The following A2M variants were observed in gnomAD, a reference collection of about 807,000 sequenced individuals.
A2M encodes the protein alpha-2-macroglobulin.
Under a neutral mutation model 183.9 loss-of-function variants are expected in A2M, and 128 were observed. That is an observed-to-expected ratio of 0.70 (90% CI 0.60 to 0.81). The LOEUF (loss-of-function observed/expected upper bound fraction) is 0.81, where lower values mean the gene tolerates loss of function less well. A2M is among the 30% of genes least tolerant of loss of function. A2M has a pLI of 0.00. For synonymous variants in A2M, 592 were observed against 670.8 expected (o/e 0.88, Z 1.81); for missense variants, 1,495 against 1,787.6 (o/e 0.84, Z 2.95).
At chr12:9,101,277 C>A in intron 12 of A2M, 70 bp from the exon 13 acceptor site, 1 of 1,471,738 alleles carries the variant, frequency 6.8e-7, no homozygotes, top group Non-Finnish European at 9.3e-7. Flanking sequence ...CTTCAATATA[C>A]TTGTTTTATT....
chr12:9,079,387 G>T, intron 24 of A2M, 56 bp from the exon 25 acceptor site: 1 of 1,520,038 alleles, frequency 6.6e-7, no homozygotes, highest in Non-Finnish European at 9.1e-7. Context: ...GCTGAGGGTG[G>T]AGAAATTACT....
At chr12:9,102,997 A>G (rs189918922) in intron 11 of A2M, among the ~76,000 whole-genome samples, 94 of 152,322 alleles carry the variant, frequency 6.2e-4, no homozygotes, top group African/African-American at 2.2e-3. Flanking sequence ...ATATCCATGT[A>G]TCTATAGACA....
chr12:9,090,577 A>G (rs1313732537), intron 19 of A2M, 95 bp from the exon 20 acceptor site: 3 of 1,345,584 alleles, frequency 2.2e-6, no homozygotes, highest in African/African-American at 2.9e-5. Context: ...GTTAGATTTC[A>G]GGTTGCCTCA....
chr12:9,068,801 T>G lies in A2M; in HGVS notation c.4305A>C (p.Gln1435His). Residue 1435 changes from glutamine (Q) to histidine (H), a missense_variant, in exon 34 of 36, where the codon CAA (glutamine) becomes CAC (histidine). Gln to His is a conservative substitution (Grantham distance 24). Coordinates refer to ENST00000318602, the MANE Select transcript of A2M (RefSeq NM_000014.6). The part of the protein sequence containing the change: ...QTLSLFFTVL[Q>H]DVPVRDLKPA... ...GTTTCAGATCTCTTACTGGGACATC[T>G]TGCAGAACCGTGAAGAACAAGCTCA... 6.2e-7 allele frequency: 1 copy of G among 1,609,082 alleles called. No individual in the cohort carries two copies. Among genetic ancestry groups the G allele is most frequent in the Non-Finnish European group, 8.5e-7 (1 of 1,177,770 alleles).
chr12:9,099,408 A>G lies in A2M; in HGVS notation c.1674T>C (p.Tyr558=), dbSNP rs1239995824. The G allele has an allele frequency of 4.5e-6, 7 of 1,566,648 alleles. No homozygotes were observed. The highest frequency in any genetic ancestry group is 6.1e-6 in the Non-Finnish European group (7 of 1,155,262). ...TGTTGGCCAGACAATTTTCAACATC[A>G]TATTTTGCAGAATCCCCAATCACGT... ...TGDVIGDSAK[Y]DVENCLANKV... Residue 558 remains tyrosine (Y), a synonymous_variant, in exon 14 of 36, where the codon TAT becomes TAC. Coordinates refer to ENST00000318602, the MANE Select transcript of A2M (RefSeq NM_000014.6).
chr12:9,089,517 G>A (rs1315130296), intron 21 of A2M, among the ~76,000 whole-genome samples: 1 of 152,218 alleles, frequency 6.6e-6, no homozygotes, highest in Non-Finnish European at 1.5e-5. Context: ...GAGGTGGGCA[G>A]ATCACTTGAG....
At chr12:9,107,499 C>G (rs1364970630) in intron 8 of A2M, 25 bp downstream of exon 8, 1 of 1,612,690 alleles carries the variant, frequency 6.2e-7, no homozygotes, top group African/African-American at 1.3e-5. Context: ...TCGCTATTCT[C>G]TAGAAAAAAT....
intron 32 of A2M, 72 bp from the exon 33 acceptor site, chr12:9,069,885 T>C: frequency 7.6e-7 from 1 of 1,319,596 alleles, no homozygotes; most frequent in East Asian, 2.3e-5. Context: ...GAAAAAATCT[T>C]TGTATTGCCA....
Position 9,075,433 on chromosome 12 carries a change from T to A in A2M, c.3533-650A>T, listed in dbSNP as rs78195114. Among the ~76,000 whole-genome samples the A allele has an allele frequency of 8.9e-4, 136 of 152,250 alleles. 1 individual carries two copies. The highest frequency in any genetic ancestry group is 3.0e-3 in the African/African-American group (126 of 41,542). On this transcript the variant is annotated intron_variant, in intron 28 of 35. Transcript: ENST00000318602. ...TGAGTATTCATTGCAGCATTTTTTT[T>A]AATAGCAAAACATAAAAAAAATCCA...
rs756728809 is a variant in A2M at position 9,073,076 on chromosome 12, C to G, written c.3757-205G>C. ...ACATATCTACCTTGGACTGTATGCC[C>G]TACATGTTTATTTTATTTATCAGAA... On this transcript the variant is annotated intron_variant, in intron 29 of 35. Coordinates refer to ENST00000318602, the MANE Select transcript of A2M (RefSeq NM_000014.6). 5.3e-4 allele frequency among the ~76,000 whole-genome samples: 80 copies of G among 152,306 alleles called. No homozygotes were observed. The South Asian group carries it at 6.0e-3, about 11-fold the overall frequency.
At chr12:9,099,354 G>A (rs1480790282) in intron 14 of A2M, 27 bp downstream of exon 14, 3 of 1,545,490 alleles carry the variant, frequency 1.9e-6, no homozygotes, top group Admixed American at 3.9e-5. Context: ...TTTACATGTT[G>A]AAGATTTTAT....
chr12:9,092,932 A>C (rs941629628), intron 18 of A2M, among the ~76,000 whole-genome samples: 1 of 152,250 alleles, frequency 6.6e-6, no homozygotes, highest in African/African-American at 2.4e-5. Flanking sequence ...CTTAAGTGGA[A>C]GAAGATCCTG....
intron 17 of A2M, 24 bp from the exon 18 acceptor site, chr12:9,093,603 A>G (rs1949277345): frequency 7.3e-7 from 1 of 1,374,992 alleles, no homozygotes; most frequent in Non-Finnish European, 1.0e-6. Flanking sequence ...GGAAGAAGAC[A>G]TTACAATAAA....
In A2M at chr12:9,074,616, T is replaced by C. The variant is rs779251636; in HGVS notation, c.3700A>G (p.Ile1234Val). The change falls in exon 29 of 36, where the codon ATC (isoleucine) becomes GTC (valine). Residue 1234 changes from isoleucine (I) to valine (V), a missense_variant. By Grantham distance (29) the Ile-to-Val change is conservative. Coordinates refer to ENST00000318602, the MANE Select transcript of A2M (RefSeq NM_000014.6). ...TSEDLTSATN[I>V]VKWITKQQNA... is the part of the protein sequence containing the mutation. ...TGCTGCTTCGTGATCCACTTCACGA[T>C]GTTGGTTGCAGAGGTCAGGTCCTCC... 1.9e-6 allele frequency: 3 copies of C among 1,613,758 alleles called. No individual in the cohort carries two copies. Among genetic ancestry groups the C allele is most frequent in the East Asian group, 4.5e-5 (2 of 44,868 alleles).
At chr12:9,114,724 C>T (rs1288377910) in intron 1 of A2M, among the ~76,000 whole-genome samples, 2 of 102,304 alleles carry the variant, frequency 2.0e-5, no homozygotes, top group East Asian at 3.9e-4. Context: ...TATATGAATA[C>T]ATATACATAA....
At position 9,080,259 on chromosome 12, in the gene A2M, G is replaced by C. The variant is rs1048287909; in HGVS notation, c.2771-82C>G. 18 of 911,358 alleles carry C rather than the reference G, an allele frequency of 2.0e-5. No individual in the cohort carries two copies. In the African/African-American group the frequency reaches 2.5e-4, roughly 13 times the overall value. 56.5% of individuals were successfully genotyped at this position (911,358 alleles called of 1,614,324 possible). A position where few individuals can be genotyped will look rare whatever the true frequency, so the allele number is the denominator to read the frequency against. Reference sequence around the variant, plus strand: ...AACAGCTCTATGACCCAGAAGCTAGGACTATGCCTTATACCTAAACTCCTC... The same window carrying C: ...AACAGCTCTATGACCCAGAAGCTAGCACTATGCCTTATACCTAAACTCCTC... On this transcript the variant is annotated intron_variant, in intron 22 of 35. Transcript: ENST00000318602.
In A2M at chr12:9,094,998, A is replaced by G; in HGVS notation, c.2100T>C (p.Pro700=). Reference sequence around the variant, plus strand: ...CATAAAAACCTACACGTAGACCTTCAGGTCCATGCATTTCATACTGTTGAA... The same window carrying G: ...CATAAAAACCTACACGTAGACCTTCGGGTCCATGCATTTCATACTGTTGAA... ...PQLQQYEMHG[P]EGLRVGFYES... Residue 700 remains proline (P), a synonymous_variant, in exon 17 of 36, where the codon CCT becomes CCC. Coordinates refer to ENST00000318602, the MANE Select transcript of A2M (RefSeq NM_000014.6). 1 of 1,581,060 alleles carries G rather than the reference A, an allele frequency of 6.3e-7. No homozygotes were observed. Among genetic ancestry groups the G allele is most frequent in the Non-Finnish European group, 8.6e-7 (1 of 1,162,398 alleles).
intron 7 of A2M, among the ~76,000 whole-genome samples, chr12:9,108,082 T>A (rs1938440901): frequency 6.6e-6 from 1 of 151,982 alleles, no homozygotes; most frequent in Non-Finnish European, 1.5e-5. Context: ...CAGCCATCTC[T>A]ATATCGAGTT....
intron 18 of A2M, 45 bp from the exon 19 acceptor site, chr12:9,091,474 A>G: frequency 6.3e-7 from 1 of 1,596,188 alleles, no homozygotes; most frequent in Non-Finnish European, 8.6e-7. Context: ...GCAGTTAAAT[A>G]CATCCTTTCT....
Sources: gnomAD v4.1 joint callset for allele counts (sites outside exome capture counted in the v4.1 genomes callset) on GRCh38, gnomAD v4.1.1 for gene constraint, MANE v1.5 for transcripts, NCBI Gene and HGNC (gene_info 2026-07-23, HGNC 2026-07-21) for gene names.